The following DNAAF8 variants were observed in gnomAD, a reference collection of about 807,000 sequenced individuals.
DNAAF8 encodes the protein dynein axonemal-associated protein 1.
Under a neutral mutation model 54.6 loss-of-function variants are expected in DNAAF8, and 61 were observed. The ratio of observed to expected loss-of-function variants is 1.12; its 90% CI spans 0.91 to 1.38. DNAAF8 has a LOEUF of 1.38. DNAAF8 is among the 40% of genes most tolerant of loss of function. DNAAF8 has a pLI of 0.00. For synonymous variants in DNAAF8, 320 were observed against 270.1 expected, an observed-to-expected ratio of 1.18 and a Z score of -1.81; for missense variants, 837 against 665.0, an observed-to-expected ratio of 1.26 and a Z score of -2.85.
chr16:4,739,976 C>CT (rs1187088944), intron 3 of DNAAF8, among the ~76,000 whole-genome samples, 177 bp from the exon 4 acceptor site: 1 of 150,894 alleles, frequency 6.6e-6, no homozygotes, highest in African/African-American at 2.4e-5. Flanking sequence ...GGAGGATCGC[C>CT]TGGGCCAGGG....
intron 6 of DNAAF8, 99 bp from the exon 7 acceptor site, chr16:4,746,274 ACT>A: frequency 7.7e-7 from 1 of 1,303,710 alleles, no homozygotes. Context: ...GTGGGCACTC[ACT>A]GGGTGGCAGC....
Position 4,746,238 on chromosome 16 carries a change from G to A in DNAAF8, c.1044-137G>A, listed in dbSNP as rs2142213383. The A allele has an allele frequency of 1.1e-5, 10 of 930,038 alleles. No homozygotes were observed. In the South Asian group the frequency reaches 1.5e-4, roughly 14 times the overall value. The allele number at this position is 930,038 out of a possible 1,614,324, so 57.6% of individuals were successfully genotyped here. ...TGTTCTGAAGAGTAAAAGAGCAAAT[G>A]TGTTTAATGTGCCCGTCTGTAGAGA... On this transcript the variant is annotated intron_variant, in intron 6 of 9. Coordinates refer to ENST00000299320, the MANE Select transcript of DNAAF8 (RefSeq NM_139170.3).
In DNAAF8 at chr16:4,740,272, G is replaced by A. The variant is rs859305; in HGVS notation, c.396G>A (p.Glu132=). 973,952 of 1,613,434 alleles carry A rather than the reference G, an allele frequency of 0.6. 295,676 individuals carry two copies. Among genetic ancestry groups the A allele is most frequent in the East Asian group, 0.69 (30,804 of 44,824 alleles). The part of the protein sequence containing the change: ...DPGRPFESSG[E]VSALLGMAEE... ...GCAGGCCTTTTGAAAGCTCTGGTGA[G>A]GTCAGCGCTCTTCTTGGGATGGCCG... is the stretch of plus-strand genomic sequence containing the variant. Residue 132 remains glutamate (E), a synonymous_variant, in exon 4 of 10, where the codon GAG becomes GAA. Transcript: ENST00000299320.
At chr16:4,736,016 C>T (rs1256684289) in intron 1 of DNAAF8, among the ~76,000 whole-genome samples, 1 of 150,784 alleles carries the variant, frequency 6.6e-6, no homozygotes, top group East Asian at 1.9e-4. Context: ...GGTAGTAGGA[C>T]TTGAAATTCC....
intron 4 of DNAAF8, among the ~76,000 whole-genome samples, chr16:4,741,233 C>CAA (rs756159698): frequency 1.4e-5 from 1 of 70,788 alleles, no homozygotes; most frequent in East Asian, 4.1e-4. Flanking sequence ...GACTCCATCT[C>CAA]AAAAAAAAAA....
At chr16:4,742,701 C>G (rs1201876466) in intron 4 of DNAAF8, among the ~76,000 whole-genome samples, 1 of 152,084 alleles carries the variant, frequency 6.6e-6, no homozygotes, top group Non-Finnish European at 1.5e-5. Flanking sequence ...GCCTGAGCGA[C>G]AGAGTGAGAC....
chr16:4,745,885 C>T (rs930960098), intron 6 of DNAAF8, among the ~76,000 whole-genome samples: 14 of 145,714 alleles, frequency 9.6e-5, no homozygotes, highest in Admixed American at 8.5e-4. Flanking sequence ...ACCCAGGAGG[C>T]GGAGGTTGCA....
At chr16:4,739,591 C>T (rs2081938094) in intron 3 of DNAAF8, among the ~76,000 whole-genome samples, 1 of 150,256 alleles carries the variant, frequency 6.7e-6, no homozygotes, top group Admixed American at 6.6e-5. Context: ...CTGTGTCACC[C>T]AGGCTGGAAT....
In DNAAF8 at chr16:4,743,050, A is replaced by G. The variant is rs768787827; in HGVS notation, c.791A>G (p.Glu264Gly). Residue 264 changes from glutamate (E) to glycine (G), a missense_variant, in exon 5 of 10, where the codon GAA becomes GGA. By Grantham distance (98) the Glu-to-Gly change is moderately conservative. Transcript: ENST00000299320. ...TGGTTTTAATGATTTCAGCAACTTG[A>G]AGCGTGGGATTTGGATGACATCCTT... ...GPPVLSLQQL[E>G]AWDLDDILQS... 2 of 1,608,248 alleles carry G rather than the reference A, an allele frequency of 1.2e-6. No homozygotes were observed. Among genetic ancestry groups the G allele is most frequent in the Non-Finnish European group, 1.7e-6 (2 of 1,175,564 alleles).
At chr16:4,738,645 G>A (rs1350555637) in intron 3 of DNAAF8, among the ~76,000 whole-genome samples, 3 of 152,096 alleles carry the variant, frequency 2.0e-5, no homozygotes, top group Non-Finnish European at 2.9e-5. Flanking sequence ...CATTTTAGGA[G>A]GCCAGTATGG....
intron 9 of DNAAF8, 57 bp from the exon 10 acceptor site, chr16:4,748,668 A>G (rs1392571972): frequency 6.6e-6 from 1 of 152,346 alleles, no homozygotes; most frequent in Non-Finnish European, 1.5e-5. Flanking sequence ...TGCTTTTGTA[A>G]CTGCTGTGAT....
At chr16:4,735,300 A>C (rs2081869860) in intron 1 of DNAAF8, 1 of 152,214 alleles carries the variant, frequency 6.6e-6, no homozygotes, top group Non-Finnish European at 1.5e-5. Context: ...CTCTAGTTAC[A>C]AAAAACACCC....
At chr16:4,737,355 C>G (rs1370716728) in intron 2 of DNAAF8, among the ~76,000 whole-genome samples, 1 of 152,142 alleles carries the variant, frequency 6.6e-6, no homozygotes, top group African/African-American at 2.4e-5. Context: ...GTTTTCACAC[C>G]TTCAGTCTCA....
intron 7 of DNAAF8, 62 bp downstream of exon 7, chr16:4,746,574 A>C (rs2082020085): frequency 1.3e-6 from 2 of 1,543,706 alleles, no homozygotes; most frequent in Non-Finnish European, 1.8e-6. Flanking sequence ...TGTTGACCGC[A>C]CAGAGCCTCT....
At position 4,740,604 on chromosome 16, in the gene DNAAF8, G is replaced by A; in HGVS notation, c.728G>A (p.Arg243Lys). 4 of 1,612,696 alleles carry A rather than the reference G, an allele frequency of 2.5e-6. No individual in the cohort carries two copies. Among genetic ancestry groups the A allele is most frequent in the Non-Finnish European group, 3.4e-6 (4 of 1,179,972 alleles). ...TGCCACGCTGCGGAGTCAGCTCCCA[G>A]ATCCAAAATGCCCCTCGTGGAGCCT... ...APCHAAESAP[R>K]SKMPLVEPPE... The change falls in exon 4 of 10, where the codon AGA (arginine) becomes AAA (lysine). Residue 243 changes from arginine to lysine, a missense_variant. Coordinates refer to ENST00000299320, the MANE Select transcript of DNAAF8 (RefSeq NM_139170.3).
At chr16:4,742,071 G>T (rs1265486678) in intron 4 of DNAAF8, among the ~76,000 whole-genome samples, 8 of 152,106 alleles carry the variant, frequency 5.3e-5, no homozygotes, top group Middle Eastern at 3.2e-3. Flanking sequence ...GAGTTGAAAG[G>T]TCATATGATA....
intron 4 of DNAAF8, among the ~76,000 whole-genome samples, 181 bp from the exon 5 acceptor site, chr16:4,742,862 G>A (rs573163059): frequency 1.3e-5 from 2 of 152,142 alleles, no homozygotes; most frequent in African/African-American, 2.4e-5. Context: ...TAACGGAGGC[G>A]TTCAATCTGT....
chr16:4,738,084 G>C, intron 3 of DNAAF8, 138 bp downstream of exon 3: 1 of 1,102,814 alleles, frequency 9.1e-7, no homozygotes, highest in Non-Finnish European at 1.3e-6. Flanking sequence ...ACAACCCAAG[G>C]TATTCAGATG....
intron 7 of DNAAF8, 117 bp from the exon 8 acceptor site, chr16:4,746,810 G>T (rs2082023092): frequency 5.1e-6 from 5 of 979,966 alleles, no homozygotes; most frequent in Non-Finnish European, 7.4e-6. Flanking sequence ...GGCCTCCAGT[G>T]TGGCTGCTGA....
Sources: gnomAD v4.1 joint callset for allele counts (sites outside exome capture counted in the v4.1 genomes callset) on GRCh38, gnomAD v4.1.1 for gene constraint, MANE v1.5 for transcripts, NCBI Gene and HGNC (gene_info 2026-07-23, HGNC 2026-07-21) for gene names.